The following HELLS variants were observed in gnomAD, a reference collection of about 807,000 sequenced individuals.
The protein encoded by HELLS is lymphoid-specific helicase.
A neutral mutation model predicts 120.0 loss-of-function variants in HELLS; 32 were observed. The observed-to-expected ratio is 0.27, with a 90% CI of 0.20 to 0.36. HELLS has a LOEUF of 0.36. HELLS is among the 10% of genes least tolerant of loss of function. The pLI, the probability that HELLS is intolerant of heterozygous loss-of-function variation, is 1.00. For missense variants in HELLS, 650 were observed against 993.4 expected, an observed-to-expected ratio of 0.65 and a Z score of 4.65; for synonymous variants, 341 against 323.4, an observed-to-expected ratio of 1.05 and a Z score of -0.58.
At chr10:94,575,098 ATTTTTTTTTTTT>A (rs570447113) in intron 9 of HELLS, among the ~76,000 whole-genome samples, 4 of 121,814 alleles carry the variant, frequency 3.3e-5, no homozygotes, top group Non-Finnish European at 5.1e-5. Flanking sequence ...ACCTTCTGCA[ATTTTTTTTTTTT>A]TTTTTTTTTT....
At chr10:94,613,794 A>G (rs2134148070) in exon 10 of HELLS, 1 of 152,276 alleles carries the variant, frequency 6.6e-6, no homozygotes, top group Non-Finnish European at 1.5e-5. Flanking sequence ...TACATAGTTA[A>G]TTTAGTGAAT....
intron 13 of HELLS, among the ~76,000 whole-genome samples, chr10:94,588,952 G>C (rs1845318547): frequency 1.3e-5 from 2 of 152,122 alleles, no homozygotes; most frequent in African/African-American, 2.4e-5. Context: ...TTTGAGACCA[G>C]TCTGACCAAC....
intron 2 of HELLS, among the ~76,000 whole-genome samples, chr10:94,551,630 G>A (rs1387653506): frequency 6.6e-6 from 1 of 152,112 alleles, no homozygotes; most frequent in Non-Finnish European, 1.5e-5. Flanking sequence ...CTAGGAAAAT[G>A]TAAGGCAATA....
intron 6 of HELLS, chr10:94,569,825 C>T (rs1421152097): frequency 6.6e-6 from 1 of 152,060 alleles, no homozygotes; most frequent in Non-Finnish European, 1.5e-5. Flanking sequence ...TTGATTAATG[C>T]GTATCTTGGG....
At chr10:94,555,754 G>A (rs1473579636) in intron 3 of HELLS, among the ~76,000 whole-genome samples, 4 of 152,006 alleles carry the variant, frequency 2.6e-5, no homozygotes, top group East Asian at 1.9e-4. Flanking sequence ...TCGGCCTCCC[G>A]AGTAGCTGGG....
Position 94,590,534 on chromosome 10 carries a change from C to T in HELLS, c.1610C>T (p.Pro537Leu). The T allele has an allele frequency of 6.2e-7, 1 of 1,610,944 alleles. No individual in the cohort carries two copies. Among genetic ancestry groups the T allele is most frequent in the Non-Finnish European group, 8.5e-7 (1 of 1,179,330 alleles). The change falls in exon 14 of 22, where the codon CCA (proline) becomes CTA (leucine). Residue 537 changes from proline to leucine, a missense_variant. Pro to Leu is a moderately conservative substitution (Grantham distance 98). Transcript: ENST00000348459. The stretch of plus-strand genomic sequence containing the variant: ...GAAAAACTGATCAGTCAAATACAGC[C>T]AGAGGTGGACCGAGAAAGGTTTGAA... ...ELEKLISQIQPEVDRERAVVE... is the reference protein window; with the variant it reads ...ELEKLISQIQLEVDRERAVVE...
chr10:94,607,380 C>T (rs1589773565), intron 8 of HELLS, among the ~76,000 whole-genome samples: 1 of 152,160 alleles, frequency 6.6e-6, no homozygotes, highest in Non-Finnish European at 1.5e-5. Context: ...GGGTGTTTAA[C>T]ACCTGTTTCA....
intron 6 of HELLS, among the ~76,000 whole-genome samples, chr10:94,567,078 T>C (rs1395493703): frequency 6.6e-6 from 1 of 152,214 alleles, no homozygotes; most frequent in Non-Finnish European, 1.5e-5. Flanking sequence ...CCTTACTTGC[T>C]GAAGAATCTC....
chr10:94,553,467 T>G (rs1434101142), intron 2 of HELLS, among the ~76,000 whole-genome samples: 1 of 151,866 alleles, frequency 6.6e-6, no homozygotes, highest in Non-Finnish European at 1.5e-5. Flanking sequence ...CAGGATGGTC[T>G]CAAACTCCTG....
chr10:94,546,612 A>G, intron 2 of HELLS, 114 bp downstream of exon 2: 1 of 1,127,450 alleles, frequency 8.9e-7, no homozygotes, highest in Non-Finnish European at 1.3e-6. Context: ...TAATAACTGA[A>G]AGAAAACAGC....
intron 10 of HELLS, among the ~76,000 whole-genome samples, chr10:94,578,620 G>T (rs1413107859): frequency 6.6e-6 from 1 of 152,136 alleles, no homozygotes; most frequent in Non-Finnish European, 1.5e-5. Flanking sequence ...CTTGAACCCG[G>T]GAGGCGGATG....
chr10:94,551,810 G>T (rs1402849109), intron 2 of HELLS, among the ~76,000 whole-genome samples: 2 of 151,500 alleles, frequency 1.3e-5, no homozygotes, highest in African/African-American at 2.4e-5. Context: ...CGCGATCTCG[G>T]CTCACTGCAA....
intron 6 of HELLS, among the ~76,000 whole-genome samples, chr10:94,567,077 C>G (rs1843838107): frequency 1.3e-5 from 2 of 152,168 alleles, no homozygotes; most frequent in African/African-American, 4.8e-5. Context: ...ACCTTACTTG[C>G]TGAAGAATCT....
chr10:94,559,074 C>A (rs751361463), intron 4 of HELLS, among the ~76,000 whole-genome samples: 1 of 152,200 alleles, frequency 6.6e-6, no homozygotes, highest in Non-Finnish European at 1.5e-5. Flanking sequence ...AGATTCCTGA[C>A]ACCGTCATGG....
intron 7 of HELLS, 51 bp from the exon 8 acceptor site, chr10:94,573,909 A>G: frequency 1.0e-6 from 1 of 997,584 alleles, no homozygotes; most frequent in Non-Finnish European, 1.5e-6. Flanking sequence ...AAATGGTGGC[A>G]TACAGCAGCA....
chr10:94,552,289 A>G (rs1344491954), intron 2 of HELLS, among the ~76,000 whole-genome samples: 1 of 152,250 alleles, frequency 6.6e-6, no homozygotes, highest in African/African-American at 2.4e-5. Flanking sequence ...TATAAAATTT[A>G]GAATCTTTTT....
At chr10:94,557,411 GAAAT>G (rs1215947047) in intron 3 of HELLS, among the ~76,000 whole-genome samples, 1 of 152,104 alleles carries the variant, frequency 6.6e-6, no homozygotes, top group Non-Finnish European at 1.5e-5. Flanking sequence ...TCACCTCTTG[GAAAT>G]GGTTTGAATT....
chr10:94,568,224 T>TA (rs397962530), intron 6 of HELLS, among the ~76,000 whole-genome samples: 12 of 151,046 alleles, frequency 7.9e-5, no homozygotes, highest in African/African-American at 2.4e-5. Flanking sequence ...TTTTTTTTTT[T>TA]AAAGAGTAGC....
At chr10:94,574,473 T>C in intron 8 of HELLS, 81 bp from the exon 9 acceptor site, 1 of 1,102,986 alleles carries the variant, frequency 9.1e-7, no homozygotes, top group Non-Finnish European at 1.3e-6. Context: ...GGTGTGATTT[T>C]TTAAAGAGAA....
Sources: gnomAD v4.1 joint callset for allele counts (sites outside exome capture counted in the v4.1 genomes callset) on GRCh38, gnomAD v4.1.1 for gene constraint, MANE v1.5 for transcripts, NCBI Gene and HGNC (gene_info 2026-07-23, HGNC 2026-07-21) for gene names.